The following TTLL2 variants were observed in gnomAD, a reference collection of about 807,000 sequenced individuals.
TTLL2 encodes tubulin tyrosine ligase like 2, also known as probable tubulin polyglutamylase TTLL2.
TTLL2 carries 10 observed loss-of-function variants against 7.5 expected under a neutral mutation model. That is an observed-to-expected ratio of 1.33 (90% CI 0.82 to 2.25). The LOEUF is 2.25. Ranked by LOEUF, TTLL2 falls within the 30% of genes most tolerant of loss-of-function variation. The pLI is 0.00. For synonymous variants in TTLL2, 284 were observed against 280.3 expected, an observed-to-expected ratio of 1.01 and a Z score of -0.13; for missense variants, 733 against 735.7, an observed-to-expected ratio of 1.00 and a Z score of 0.04.
chr6:167,328,209 A>G (rs976628951), intron 1 of TTLL2: 4 of 445,214 alleles, frequency 9.0e-6, no homozygotes, highest in African/African-American at 8.1e-5. Flanking sequence ...GCTGTCGGCT[A>G]AGGAGGCTGC....
At chr6:167,337,947 C>T (rs1779011771) in intron 1 of TTLL2, among the ~76,000 whole-genome samples, 1 of 151,898 alleles carries the variant, frequency 6.6e-6, no homozygotes, top group South Asian at 2.1e-4. Context: ...CCATGAAACA[C>T]ACAACACACA....
At chr6:167,326,333 G>T (rs1442323609) in intron 1 of TTLL2, among the ~76,000 whole-genome samples, 3 of 152,036 alleles carry the variant, frequency 2.0e-5, no homozygotes, top group Non-Finnish European at 2.9e-5. Flanking sequence ...TTATTCAAAA[G>T]AACATTTAGG....
intron 1 of TTLL2, 116 bp downstream of exon 1, chr6:167,325,336 C>T (rs1388060452): frequency 9.8e-5 from 104 of 1,062,090 alleles, no homozygotes; most frequent in Non-Finnish European, 1.3e-4. Context: ...AGCGAGTGTG[C>T]ACTGGGACCC....
rs1160079528 is a variant in TTLL2 at position 167,342,477 on chromosome 6, A to T, written c.*798A>T. Among the ~76,000 whole-genome samples, 2 of 152,236 alleles carry T rather than the reference A, an allele frequency of 1.3e-5. No homozygotes were observed. The highest frequency in any genetic ancestry group is 4.8e-5 in the African/African-American group (2 of 41,454). On this transcript the variant is annotated 3_prime_UTR_variant, in exon 3 of 3. Transcript: ENST00000239587. ...GACTCCGTTGATATGGAATGTCAGAATTGGCAAATCCATCAAAAGCAGATT... is the reference window on the plus strand; with the variant it reads ...GACTCCGTTGATATGGAATGTCAGATTTGGCAAATCCATCAAAAGCAGATT...
chr6:167,338,878 C>A (rs1779031807), intron 2 of TTLL2, 75 bp downstream of exon 2: 1 of 1,013,026 alleles, frequency 9.9e-7, no homozygotes, highest in Non-Finnish European at 1.3e-6. Flanking sequence ...TTTCCTCCTT[C>A]TTTTTTCCCC....
chr6:167,342,609 C>T lies in TTLL2; in HGVS notation c.*930C>T, dbSNP rs1299510844. Among the ~76,000 whole-genome samples, 2 of 152,020 alleles carry T rather than the reference C, an allele frequency of 1.3e-5. No individual in the cohort carries two copies. The highest frequency in any genetic ancestry group is 2.9e-5 in the Non-Finnish European group (2 of 68,024). On this transcript the variant is annotated 3_prime_UTR_variant, in exon 3 of 3. Transcript: ENST00000239587. Reference sequence around the variant, plus strand: ...CTATATAGAGGTGATGGTTGCACAACACGGGGAATTCACTAAGTATCACTC... The same window carrying T: ...CTATATAGAGGTGATGGTTGCACAATACGGGGAATTCACTAAGTATCACTC...
At position 167,325,219 on chromosome 6, in the gene TTLL2, G is replaced by A. The variant is rs745601156; in HGVS notation, c.46G>A (p.Gly16Arg). Residue 16 changes from glycine (G) to arginine (R), a missense_variant and splice_region_variant, in exon 1 of 3, where the codon GGA becomes AGA. By Grantham distance (125) the Gly-to-Arg change is moderately radical (BLOSUM62 -2). Coordinates refer to ENST00000239587, the MANE Select transcript of TTLL2 (RefSeq NM_031949.5). ...TTCCTCCACACAAAGCCAGGCGCTGGGGTAAGCGTAGGAGGCGACACGTAG... is the reference window on the plus strand; with the variant it reads ...TTCCTCCACACAAAGCCAGGCGCTGAGGTAAGCGTAGGAGGCGACACGTAG... The part of the protein sequence containing the change: ...LCSSTQSQAL[G>R]SLRTTTPAFT... The A allele has an allele frequency of 6.4e-7, 1 of 1,571,126 alleles. No homozygotes were observed. Among genetic ancestry groups the A allele is most frequent in the East Asian group, 2.4e-5 (1 of 41,874 alleles).
intron 1 of TTLL2, among the ~76,000 whole-genome samples, chr6:167,331,672 T>G (rs899963464): frequency 2.0e-5 from 3 of 152,176 alleles, no homozygotes; most frequent in African/African-American, 7.2e-5. Flanking sequence ...TTTGAGTCCT[T>G]CTGGATAGGT....
intron 1 of TTLL2, among the ~76,000 whole-genome samples, chr6:167,327,438 A>G (rs571586773): frequency 2.0e-5 from 3 of 152,366 alleles, no homozygotes; most frequent in South Asian, 4.1e-4. Context: ...CTTTAGGAGT[A>G]AAATGGGAGG....
At chr6:167,326,268 TG>T (rs1422647399) in intron 1 of TTLL2, among the ~76,000 whole-genome samples, 1 of 152,164 alleles carries the variant, frequency 6.6e-6, no homozygotes, top group Non-Finnish European at 1.5e-5. Context: ...AAATAGTGCA[TG>T]ATTTCTGGTT....
intron 1 of TTLL2, among the ~76,000 whole-genome samples, chr6:167,335,796 G>A (rs753890159): frequency 2.3e-3 from 319 of 135,982 alleles, no homozygotes; most frequent in Non-Finnish European, 4.1e-3. Flanking sequence ...ACAGGAAGGG[G>A]AATATCATAC....
At chr6:167,339,623 C>G (rs1779042473) in intron 2 of TTLL2, among the ~76,000 whole-genome samples, 1 of 152,108 alleles carries the variant, frequency 6.6e-6, no homozygotes. Context: ...GGTGCCTGGC[C>G]TTCTTAAATT....
At chr6:167,326,587 C>A (rs1778850780) in intron 1 of TTLL2, among the ~76,000 whole-genome samples, 1 of 152,100 alleles carries the variant, frequency 6.6e-6, no homozygotes, top group Non-Finnish European at 1.5e-5. Flanking sequence ...GCGTTCCTAC[C>A]CAATAAAGGT....
At chr6:167,339,335 A>G (rs868694977) in intron 2 of TTLL2, among the ~76,000 whole-genome samples, 1 of 152,190 alleles carries the variant, frequency 6.6e-6, no homozygotes, top group Non-Finnish European at 1.5e-5. Context: ...TCTTAATGAA[A>G]CAACACACTT....
Position 167,341,238 on chromosome 6 carries a change from G to A in TTLL2, c.1338G>A (p.Gly446=), listed in dbSNP as rs768361034. 29 of 1,613,668 alleles carry A rather than the reference G, an allele frequency of 1.8e-5. 1 individual carries two copies. The South Asian group carries it at 2.6e-4, about 15-fold the overall frequency. The change falls in exon 3 of 3, where the codon GGG becomes GGA. Residue 446 remains glycine (G), a synonymous_variant. Transcript: ENST00000239587. ...NIDAAKSDRG[G]LDAPDCLPYD... ...ACGCTGCAAAAAGTGACAGAGGTGG[G>A]CTTGATGCTCCTGACTGTCTTCCTT...
intron 1 of TTLL2, among the ~76,000 whole-genome samples, chr6:167,336,059 C>A (rs1258089364): frequency 6.6e-6 from 1 of 151,878 alleles, no homozygotes; most frequent in African/African-American, 2.4e-5. Flanking sequence ...CCTGAATGGA[C>A]CCCTGGGTAG....
rs769871004 is a variant in TTLL2, at chr6:167,340,444, T to C, written c.544T>C (p.Phe182Leu). ...TSLYQFIPLT[F>L]VMPNDYTKFV... ...CCTGTACCAGTTCATCCCCCTGACG[T>C]TCGTCATGCCCAATGACTATACCAA... Residue 182 changes from phenylalanine to leucine, a missense_variant, in exon 3 of 3, where the codon TTC becomes CTC. Transcript: ENST00000239587. 1 of 1,614,172 alleles carries C rather than the reference T, an allele frequency of 6.2e-7. No individual in the cohort carries two copies. The highest frequency in any genetic ancestry group is 8.5e-7 in the Non-Finnish European group (1 of 1,180,030).
intron 1 of TTLL2, among the ~76,000 whole-genome samples, chr6:167,337,029 A>G (rs894775069): frequency 2.0e-5 from 3 of 152,290 alleles, no homozygotes; most frequent in Admixed American, 2.0e-4. Flanking sequence ...CACAGGACAA[A>G]GTGCTGGCTC....
intron 1 of TTLL2, among the ~76,000 whole-genome samples, chr6:167,337,014 A>C (rs1037421574): frequency 1.3e-5 from 2 of 151,952 alleles, no homozygotes; most frequent in East Asian, 3.9e-4. Context: ...GGCCCTCTTC[A>C]CAGCCACAGG....
Sources: allele counts gnomAD v4.1 joint callset (sites outside exome capture counted in the v4.1 genomes callset), GRCh38; gene constraint gnomAD v4.1.1; transcripts MANE v1.5; gene names NCBI Gene and HGNC (gene_info 2026-07-23, HGNC 2026-07-21).